ANXA8: variants seen among roughly 807,000 people sequenced by gnomAD.
ANXA8 encodes annexin A8.
In ANXA8, 9 loss-of-function variants were observed where a neutral mutation model predicts 26.8. The ratio of observed to expected loss-of-function variants is 0.34; its 90% CI spans 0.20 to 0.59. The LOEUF is 0.59. Among genes scored for constraint, ANXA8 ranks in the 20% least tolerant of loss-of-function variants. The pLI is 0.84. For synonymous variants in ANXA8, 39 were observed against 94.8 expected, an observed-to-expected ratio of 0.41 and a Z score of 3.42; for missense variants, 83 against 238.5, an observed-to-expected ratio of 0.35 and a Z score of 4.29.
At chr10:47,519,199 G>T in the ANXA8 span, among the ~76,000 whole-genome samples, 1 of 134,386 alleles carries the variant, frequency 7.4e-6, no homozygotes, top group Non-Finnish European at 1.6e-5. Flanking sequence ...CAGGTGCGGT[G>T]GCTGAAGCCT....
At chr10:47,621,483 A>T in the ANXA8 span, among the ~76,000 whole-genome samples, 5 of 112,094 alleles carry the variant, frequency 4.5e-5, 2 homozygotes, top group African/African-American at 1.7e-4. Flanking sequence ...CAAGAATTAA[A>T]CATCCATCTG....
At chr10:47,582,043 A>T in the ANXA8 span, among the ~76,000 whole-genome samples, 11 of 150,234 alleles carry the variant, frequency 7.3e-5, 1 homozygote, top group Middle Eastern at 3.4e-3. Context: ...ACAAGGGTGT[A>T]TGCCCATATC....
the ANXA8 span, among the ~76,000 whole-genome samples, chr10:47,495,286 ATTATT>A: frequency 4.9e-3 from 575 of 116,270 alleles, 21 homozygotes; most frequent in African/African-American, 0.017. Context: ...TATTATTATT[ATTATT>A]ATTATTATTT....
the ANXA8 span, chr10:47,760,654 G>C: frequency 1.5e-6 from 1 of 687,270 alleles, no homozygotes; most frequent in Non-Finnish European, 2.4e-6. Flanking sequence ...AAAGCACCCA[G>C]AAAGAGTGGT....
At chr10:47,756,800 T>C in the ANXA8 span, among the ~76,000 whole-genome samples, 5 of 148,384 alleles carry the variant, frequency 3.4e-5, no homozygotes, top group African/African-American at 9.9e-5. Flanking sequence ...CAAGCATCAG[T>C]GCCCATTGAG....
intron 6 of ANXA8, among the ~76,000 whole-genome samples, chr10:47,475,257 A>G (rs1212069195): frequency 1.3e-5 from 2 of 148,744 alleles, no homozygotes; most frequent in Non-Finnish European, 3.0e-5. Context: ...GCCTGCACGA[A>G]GGACCTGCTC....
chr10:47,958,307 C>T, the ANXA8 span, among the ~76,000 whole-genome samples: 7 of 148,706 alleles, frequency 4.7e-5, no homozygotes, highest in Non-Finnish European at 7.4e-5. Context: ...GGCAAAACCC[C>T]GTCTCCACTA....
chr10:47,895,263 G>A, the ANXA8 span, among the ~76,000 whole-genome samples: 2 of 152,200 alleles, frequency 1.3e-5, no homozygotes, highest in Non-Finnish European at 2.9e-5. Context: ...GGGAGGAGAT[G>A]GTGCGACCGG....
chr10:47,591,434 A>ATTTTTTTT, the ANXA8 span, among the ~76,000 whole-genome samples: 1 of 60,216 alleles, frequency 1.7e-5, no homozygotes, highest in Admixed American at 2.6e-4. Context: ...TTCTTTCTGA[A>ATTTTTTTT]TTTTTTTTTT....
the ANXA8 span, chr10:47,719,982 G>C: frequency 7.5e-7 from 1 of 1,329,868 alleles, no homozygotes; most frequent in Non-Finnish European, 1.0e-6. Flanking sequence ...ATGTGGATTG[G>C]AACTAGAAAC....
At chr10:47,544,102 C>A in the ANXA8 span, among the ~76,000 whole-genome samples, 1 of 151,942 alleles carries the variant, frequency 6.6e-6, no homozygotes, top group East Asian at 1.9e-4. Flanking sequence ...AGCACCCGGG[C>A]ACGAAGGCAG....
chr10:47,577,087 C>T, the ANXA8 span, among the ~76,000 whole-genome samples: 1 of 148,252 alleles, frequency 6.7e-6, no homozygotes, highest in Non-Finnish European at 1.5e-5. Flanking sequence ...GTGTGCTGGG[C>T]ATGGTGGCAT....
the ANXA8 span, chr10:47,502,271 C>A: frequency 1.9e-5 from 31 of 1,598,448 alleles, no homozygotes; most frequent in African/African-American, 3.2e-4. Context: ...TCTCCCTCCC[C>A]ACAGGTCTCG....
the ANXA8 span, among the ~76,000 whole-genome samples, chr10:47,557,354 C>T: frequency 6.6e-6 from 1 of 151,590 alleles, no homozygotes; most frequent in Non-Finnish European, 1.5e-5. Context: ...TGCTCCTTCC[C>T]CATGCTGAAT....
the ANXA8 span, among the ~76,000 whole-genome samples, chr10:47,905,814 G>T: frequency 7.2e-6 from 1 of 138,024 alleles, no homozygotes; most frequent in African/African-American, 2.9e-5. Context: ...CCCACAAAGA[G>T]TCTAGAGCAA....
At chr10:47,743,329 C>CATAGATATATACACAT in the ANXA8 span, among the ~76,000 whole-genome samples, 1 of 47,788 alleles carries the variant, frequency 2.1e-5, no homozygotes, top group African/African-American at 7.1e-5. Flanking sequence ...TATATATATA[C>CATAGATATATACACAT]ATATATATAT....
chr10:47,718,381 AG>A, the ANXA8 span, among the ~76,000 whole-genome samples: 3 of 132,264 alleles, frequency 2.3e-5, no homozygotes, highest in Non-Finnish European at 1.6e-5. Flanking sequence ...CTGAGGTGGG[AG>A]GATCACTTGT....
chr10:47,746,776 A>G, the ANXA8 span, among the ~76,000 whole-genome samples: 2 of 115,834 alleles, frequency 1.7e-5, no homozygotes, highest in Non-Finnish European at 3.6e-5. Flanking sequence ...TGGCATTGAC[A>G]TGTTGTGATT....
At chr10:47,549,185 T>A in the ANXA8 span, 1 of 666,838 alleles carries the variant, frequency 1.5e-6, no homozygotes, top group East Asian at 2.9e-5. Context: ...ACTATATCCC[T>A]GATAATGACC....
Sources: gnomAD v4.1 joint callset for allele counts (sites outside exome capture counted in the v4.1 genomes callset) on GRCh38, gnomAD v4.1.1 for gene constraint, MANE v1.5 for transcripts, NCBI Gene and HGNC (gene_info 2026-07-23, HGNC 2026-07-21) for gene names.